OSBPL8: variants seen among roughly 807,000 people sequenced by gnomAD.
The protein encoded by OSBPL8 is oxysterol-binding protein-related protein 8.
OSBPL8 carries 59 observed loss-of-function variants against 125.5 expected under a neutral mutation model. The ratio of observed to expected loss-of-function variants is 0.47; its 90% confidence interval spans 0.38 to 0.58. The LOEUF (loss-of-function observed/expected upper bound fraction) is 0.58, where lower values mean the gene tolerates loss of function less well. OSBPL8 is among the 20% of genes least tolerant of loss of function. The pLI is 0.00. For synonymous variants in OSBPL8, 330 were observed against 338.9 expected (o/e 0.97, Z 0.29); for missense variants, 758 against 1,047.8 (o/e 0.72, Z 3.82).
At chr12:76,399,535 C>T (rs924519239) in intron 7 of OSBPL8, among the ~76,000 whole-genome samples, 1 of 152,046 alleles carries the variant, frequency 6.6e-6, no homozygotes, top group African/African-American at 2.4e-5. Context: ...CAATAATATA[C>T]CAAGTATATG....
intron 12 of OSBPL8, 42 bp from the exon 13 acceptor site, chr12:76,386,702 C>T: frequency 7.4e-7 from 1 of 1,359,902 alleles, no homozygotes; most frequent in South Asian, 1.3e-5. Context: ...AAAAATGTAT[C>T]ACAAATTCTC....
At chr12:76,505,012 C>T (rs1880273011) in intron 1 of OSBPL8, among the ~76,000 whole-genome samples, 1 of 152,172 alleles carries the variant, frequency 6.6e-6, no homozygotes, top group Non-Finnish European at 1.5e-5. Context: ...CCAATCACAG[C>T]ATTCCCCATT....
At position 76,521,477 on chromosome 12, in the gene OSBPL8, G is replaced by C. The variant is rs570236718; in HGVS notation, c.-67-33859C>G. 2.3e-4 allele frequency among the ~76,000 whole-genome samples: 35 copies of C among 152,096 alleles called. 1 individual carries two copies. Among genetic ancestry groups the C allele is most frequent in the Non-Finnish European group, 4.6e-4 (31 of 68,022 alleles). ...TAAGTAAACAAAAGAAATGAAAGTA[G>C]AGTCTTGAAGAGACATTTGTACACC... On this transcript the variant is annotated intron_variant, in intron 1 of 23. Transcript: ENST00000261183.
Position 76,390,663 on chromosome 12 carries a change from G to C in OSBPL8, c.930-6C>G, listed in dbSNP as rs780012191. 2 of 1,565,678 alleles carry C rather than the reference G, an allele frequency of 1.3e-6. No individual in the cohort carries two copies. Among genetic ancestry groups the C allele is most frequent in the Non-Finnish European group, 1.8e-6 (2 of 1,138,808 alleles). ...CAATTTCACTATCATTTAACCTTAA[G>C]GGAAAGAATTTTTAGGAGGAAGAAT... On this transcript the variant is annotated splice_polypyrimidine_tract_variant and splice_region_variant and intron_variant, in intron 10 of 23. Coordinates refer to ENST00000261183, the MANE Select transcript of OSBPL8 (RefSeq NM_020841.5).
chr12:76,401,742 T>G (rs370916505), intron 6 of OSBPL8, among the ~76,000 whole-genome samples: 1 of 152,186 alleles, frequency 6.6e-6, no homozygotes, highest in African/African-American at 2.4e-5. Context: ...TGTTTGCAAT[T>G]GGAAGTTTTG....
At chr12:76,466,140 G>A (rs1054654791) in intron 2 of OSBPL8, among the ~76,000 whole-genome samples, 4 of 151,852 alleles carry the variant, frequency 2.6e-5, no homozygotes, top group Non-Finnish European at 4.4e-5. Flanking sequence ...ACAAACTTAC[G>A]AAAGATGCCA....
chr12:76,387,614 T>C (rs184425504), intron 12 of OSBPL8, among the ~76,000 whole-genome samples: 1 of 152,292 alleles, frequency 6.6e-6, no homozygotes, highest in African/African-American at 2.4e-5. Context: ...GTTTGTAATG[T>C]AGCTACTATG....
intron 4 of OSBPL8, among the ~76,000 whole-genome samples, chr12:76,430,007 G>A (rs1159794272): frequency 6.6e-6 from 1 of 151,990 alleles, no homozygotes; most frequent in Non-Finnish European, 1.5e-5. Context: ...TAGCACCCCT[G>A]GTAACAGGCC....
chr12:76,508,346 A>G (rs151148237), intron 1 of OSBPL8, among the ~76,000 whole-genome samples: 1 of 152,334 alleles, frequency 6.6e-6, no homozygotes, highest in Non-Finnish European at 1.5e-5. Flanking sequence ...CCATATAAGG[A>G]TGTTACAGTC....
intron 1 of OSBPL8, among the ~76,000 whole-genome samples, chr12:76,550,818 A>T (rs1533188): frequency 3.3e-5 from 5 of 151,962 alleles, no homozygotes; most frequent in Non-Finnish European, 7.4e-5. Context: ...ATCAACATTA[A>T]GGCTGGGTAC....
intron 1 of OSBPL8, among the ~76,000 whole-genome samples, chr12:76,489,534 A>C (rs1409549847): frequency 6.6e-6 from 1 of 152,238 alleles, no homozygotes; most frequent in Non-Finnish European, 1.5e-5. Flanking sequence ...ACTATAAATA[A>C]AACAACAAAG....
chr12:76,473,361 T>C (rs1876408538), intron 2 of OSBPL8, among the ~76,000 whole-genome samples: 1 of 152,198 alleles, frequency 6.6e-6, no homozygotes, highest in Non-Finnish European at 1.5e-5. Flanking sequence ...GGCACCTAGG[T>C]GGCTTGCCAC....
intron 1 of OSBPL8, among the ~76,000 whole-genome samples, chr12:76,532,613 T>C (rs1950376425): frequency 1.3e-5 from 2 of 152,040 alleles, no homozygotes; most frequent in South Asian, 4.2e-4. Flanking sequence ...CCATTTCCCC[T>C]TCCTCTGTTA....
chr12:76,401,710 AAAT>A (rs1375533476), intron 6 of OSBPL8, among the ~76,000 whole-genome samples: 1 of 152,280 alleles, frequency 6.6e-6, no homozygotes, highest in East Asian at 1.9e-4. Context: ...CAATTTTTTC[AAAT>A]AACAAAGAAT....
intron 15 of OSBPL8, among the ~76,000 whole-genome samples, chr12:76,382,417 T>G (rs1211777063): frequency 6.6e-6 from 1 of 152,150 alleles, no homozygotes; most frequent in African/African-American, 2.4e-5. Flanking sequence ...TTTAGGGGAC[T>G]GGATAATTAT....
Position 76,399,924 on chromosome 12 carries a change from C to T in OSBPL8, c.417G>A (p.Leu139=). Residue 139 remains leucine (L), a synonymous_variant, in exon 7 of 24, where the codon CTG becomes CTA. Transcript: ENST00000261183. ...CAGAAGGATCTGTGATTGTACTGAG[C>T]AGCTCCTTTGTGGCTCTTTTCTTTT... is the stretch of plus-strand genomic sequence containing the variant. ...REEKKRATKE[L]LSTITDPSVI... The T allele has an allele frequency of 1.9e-6, 3 of 1,609,304 alleles. No individual in the cohort carries two copies. The highest frequency in any genetic ancestry group is 2.5e-6 in the Non-Finnish European group (3 of 1,178,872).
Position 76,358,702 on chromosome 12 carries a change from T to G in OSBPL8, c.2434+4A>C. On this transcript the variant is annotated splice_donor_region_variant and intron_variant, in intron 22 of 23. Coordinates refer to ENST00000261183, the MANE Select transcript of OSBPL8 (RefSeq NM_020841.5). ...TCTCATTAGTCTGCAATAAATATTT[T>G]TACCTTCACTTCCAGAGGAGTCTTG... 6.3e-7 allele frequency: 1 copy of G among 1,598,102 alleles called. No homozygotes were observed. Among genetic ancestry groups the G allele is most frequent in the Non-Finnish European group, 8.6e-7 (1 of 1,165,484 alleles).
At chr12:76,472,503 CGGAGACT>C (rs1325406455) in intron 2 of OSBPL8, among the ~76,000 whole-genome samples, 1 of 152,072 alleles carries the variant, frequency 6.6e-6, no homozygotes, top group Non-Finnish European at 1.5e-5. Flanking sequence ...CACCAAGACG[CGGAGACT>C]GGTAGTGGCC....
chr12:76,530,149 A>C (rs1042065739), intron 1 of OSBPL8, among the ~76,000 whole-genome samples: 1 of 151,724 alleles, frequency 6.6e-6, no homozygotes, highest in African/African-American at 2.4e-5. Context: ...AAACTATTGG[A>C]AACAAGGGAT....
Sources: allele counts gnomAD v4.1 joint callset (sites outside exome capture counted in the v4.1 genomes callset), GRCh38; gene constraint gnomAD v4.1.1; transcripts MANE v1.5; gene names NCBI Gene and HGNC (gene_info 2026-07-23, HGNC 2026-07-21).